Variants in PLXDC2 observed in about 807,000 individuals in gnomAD.
The protein encoded by PLXDC2 is plexin domain-containing protein 2.
PLXDC2 carries 40 observed loss-of-function variants against 68.9 expected under a neutral mutation model. The ratio of observed to expected loss-of-function variants is 0.58; its 90% CI spans 0.45 to 0.76. The LOEUF (loss-of-function observed/expected upper bound fraction) is 0.76, where lower values mean the gene tolerates loss of function less well. Among genes scored for constraint, PLXDC2 ranks in the 30% least tolerant of loss-of-function variants. The pLI is 0.00. For synonymous variants in PLXDC2, 243 were observed against 234.2 expected (o/e 1.04, Z -0.34); for missense variants, 644 against 661.9 (o/e 0.97, Z 0.30).
At chr10:19,984,456 AGTAC>A (rs549444517) in intron 1 of PLXDC2, among the ~76,000 whole-genome samples, 42 of 152,366 alleles carry the variant, frequency 2.8e-4, no homozygotes, top group African/African-American at 9.6e-4. Flanking sequence ...CTCTGTAAAC[AGTAC>A]ACTTGAAAAT....
chr10:20,121,380 T>C (rs1399849754), intron 4 of PLXDC2, among the ~76,000 whole-genome samples: 2 of 152,076 alleles, frequency 1.3e-5, no homozygotes, highest in African/African-American at 4.8e-5. Flanking sequence ...AAAGGAGTTG[T>C]TGTTTTGTAA....
At chr10:20,081,301 AG>A (rs1836552452) in intron 4 of PLXDC2, among the ~76,000 whole-genome samples, 1 of 152,154 alleles carries the variant, frequency 6.6e-6, no homozygotes, top group African/African-American at 2.4e-5. Context: ...GGAAGCAGGG[AG>A]GGGGAAAAAC....
At chr10:20,048,066 A>G (rs1202995410) in intron 3 of PLXDC2, among the ~76,000 whole-genome samples, 1 of 152,140 alleles carries the variant, frequency 6.6e-6, no homozygotes, top group African/African-American at 2.4e-5. Context: ...AGTGAAAAGA[A>G]AACAACTTTA....
chr10:19,966,453 G>GCACATATATAAAAA (rs1214107721), intron 1 of PLXDC2, among the ~76,000 whole-genome samples: 14 of 14,794 alleles, frequency 9.5e-4, no homozygotes, highest in South Asian at 4.8e-3. Flanking sequence ...TAAAACATGT[G>GCACATATATAAAAA]TGTATATGTA....
intron 4 of PLXDC2, among the ~76,000 whole-genome samples, chr10:20,125,959 A>G (rs188409675): frequency 0.012 from 1,816 of 148,092 alleles, 28 homozygotes; most frequent in African/African-American, 0.039. Context: ...TATAATATTT[A>G]CAATAATACA....
At chr10:19,836,651 A>G (rs770215451) in intron 1 of PLXDC2, among the ~76,000 whole-genome samples, 1 of 152,200 alleles carries the variant, frequency 6.6e-6, no homozygotes, top group Non-Finnish European at 1.5e-5. Flanking sequence ...GGGCTACGAA[A>G]TGGTTCTAAC....
rs576154837 is a variant in PLXDC2, at chr10:20,135,738, T to C, written c.542-7557T>C. Among the ~76,000 whole-genome samples, 18 of 152,324 alleles carry C rather than the reference T, an allele frequency of 1.2e-4. No homozygotes were observed. In the South Asian group the frequency reaches 3.7e-3, roughly 32 times the overall value. ...TTGCAGCTGATAACAGAGTTGTCAC[T>C]TGTTGCTTTTTTCCCCCAAGGAATG... On this transcript the variant is annotated intron_variant, in intron 4 of 13. Coordinates refer to ENST00000377252, the MANE Select transcript of PLXDC2 (RefSeq NM_032812.9).
chr10:19,902,817 G>C (rs1838181143), intron 1 of PLXDC2, among the ~76,000 whole-genome samples: 1 of 152,176 alleles, frequency 6.6e-6, no homozygotes, highest in East Asian at 1.9e-4. Context: ...CTGTGGATTT[G>C]TCATAGATAT....
chr10:19,866,226 G>T (rs900150238), intron 1 of PLXDC2, among the ~76,000 whole-genome samples: 3 of 152,118 alleles, frequency 2.0e-5, no homozygotes, highest in Non-Finnish European at 4.4e-5. Context: ...CAAATTTATT[G>T]TCCTGCATTT....
intron 1 of PLXDC2, among the ~76,000 whole-genome samples, chr10:19,824,011 A>G (rs1017998459): frequency 6.6e-6 from 1 of 152,106 alleles, no homozygotes; most frequent in Non-Finnish European, 1.5e-5. Flanking sequence ...CTGTCTCAAA[A>G]AGTAAAATAA....
chr10:20,249,653 T>C (rs1229426669), intron 13 of PLXDC2, among the ~76,000 whole-genome samples: 1 of 152,168 alleles, frequency 6.6e-6, no homozygotes, highest in East Asian at 1.9e-4. Flanking sequence ...ACTCTCTGCA[T>C]CTCAAGGTCC....
At chr10:19,932,965 C>G (rs1833665502) in intron 1 of PLXDC2, among the ~76,000 whole-genome samples, 1 of 152,164 alleles carries the variant, frequency 6.6e-6, no homozygotes, top group South Asian at 2.1e-4. Context: ...TTATCTAGGA[C>G]ACTCTTGCTG....
intron 4 of PLXDC2, among the ~76,000 whole-genome samples, chr10:20,116,671 C>G (rs1305735160): frequency 6.6e-6 from 1 of 152,142 alleles, no homozygotes; most frequent in Non-Finnish European, 1.5e-5. Flanking sequence ...GTACCTGTTT[C>G]TCTCCAAAGT....
chr10:20,110,196 G>C (rs1833540878), intron 4 of PLXDC2, among the ~76,000 whole-genome samples: 1 of 152,074 alleles, frequency 6.6e-6, no homozygotes, highest in Non-Finnish European at 1.5e-5. Context: ...TGCAAGGAGG[G>C]GTGCTCTCCA....
intron 1 of PLXDC2, among the ~76,000 whole-genome samples, chr10:19,967,921 G>A (rs988448621): frequency 6.6e-6 from 1 of 152,162 alleles, no homozygotes; most frequent in Non-Finnish European, 1.5e-5. Context: ...AAACAGATCT[G>A]ATTTCTATCA....
At chr10:20,176,885 AAT>A (rs1834534396) in intron 7 of PLXDC2, 112 bp from the exon 8 acceptor site, 1 of 702,532 alleles carries the variant, frequency 1.4e-6, no homozygotes, top group Non-Finnish European at 2.3e-6. Context: ...GATGAGGCTT[AAT>A]TTTAAAACCA....
chr10:19,902,554 C>T (rs532199194), intron 1 of PLXDC2, among the ~76,000 whole-genome samples: 4 of 152,084 alleles, frequency 2.6e-5, no homozygotes, highest in Non-Finnish European at 4.4e-5. Context: ...TTGCTGAATT[C>T]GTTTACCAGT....
At chr10:20,180,117 A>G (rs1368442031) in intron 9 of PLXDC2, among the ~76,000 whole-genome samples, 1 of 152,068 alleles carries the variant, frequency 6.6e-6, no homozygotes, top group East Asian at 1.9e-4. Flanking sequence ...AAATCGAGCA[A>G]AGTCTAAGAC....
intron 7 of PLXDC2, among the ~76,000 whole-genome samples, chr10:20,171,448 C>T (rs549783372): frequency 1.5e-4 from 23 of 152,242 alleles, no homozygotes; most frequent in African/African-American, 5.5e-4. Flanking sequence ...AAAGGCTCAA[C>T]AAAAGCAGAA....
Sources: gnomAD v4.1 joint callset for allele counts (sites outside exome capture counted in the v4.1 genomes callset) on GRCh38, gnomAD v4.1.1 for gene constraint, MANE v1.5 for transcripts, NCBI Gene and HGNC (gene_info 2026-07-23, HGNC 2026-07-21) for gene names.